PDE1A: variants seen among roughly 807,000 people sequenced by gnomAD.
The protein encoded by PDE1A is dual specificity calcium/calmodulin-dependent 3',5'-cyclic nucleotide phosphodiesterase 1A.
PDE1A carries 35 observed loss-of-function variants against 61.7 expected under a neutral mutation model. That is an observed-to-expected ratio of 0.57 (90% CI 0.43 to 0.75). PDE1A has a LOEUF of 0.75. PDE1A is among the 30% of genes least tolerant of loss of function. The pLI is 0.00. For synonymous variants in PDE1A, 232 were observed against 213.2 expected, an observed-to-expected ratio of 1.09 and a Z score of -0.77; for missense variants, 597 against 630.6, an observed-to-expected ratio of 0.95 and a Z score of 0.57.
At chr2:182,630,760 T>C in the PDE1A span, among the ~76,000 whole-genome samples, 1 of 152,134 alleles carries the variant, frequency 6.6e-6, no homozygotes, top group East Asian at 1.9e-4. Flanking sequence ...AAATCTATAG[T>C]TTTCCACACA....
At chr2:182,247,209 A>G (rs546538272) in intron 2 of PDE1A, among the ~76,000 whole-genome samples, 1 of 152,310 alleles carries the variant, frequency 6.6e-6, no homozygotes, top group Admixed American at 6.5e-5. Flanking sequence ...GTAGAAAAAA[A>G]AAACTAAACA....
intron 1 of PDE1A, among the ~76,000 whole-genome samples, chr2:182,386,158 C>A (rs1226561143): frequency 6.6e-6 from 1 of 152,182 alleles, no homozygotes; most frequent in Non-Finnish European, 1.5e-5. Flanking sequence ...TCAATGTTGC[C>A]CAGGCTGGAG....
chr2:182,159,689 C>T (rs949707700), intron 13 of PDE1A, among the ~76,000 whole-genome samples: 4 of 152,028 alleles, frequency 2.6e-5, no homozygotes, highest in African/African-American at 7.2e-5. Context: ...TAATGTAGGC[C>T]GAGTGCATTG....
rs529287454 is a variant in PDE1A at position 182,351,163 on chromosome 2, T to G, written c.53+75415A>C. On this transcript the variant is annotated intron_variant, in intron 1 of 13. Coordinates refer to ENST00000351439, the Ensembl canonical transcript of PDE1A. ...CTAGGGACTCTAGAAATAATTTAATTAAACTCCAACTTTGCCTCGCAGCAC... is the reference window on the plus strand; with the variant it reads ...CTAGGGACTCTAGAAATAATTTAATGAAACTCCAACTTTGCCTCGCAGCAC... Among the ~76,000 whole-genome samples, 86 of 152,302 alleles carry G rather than the reference T, an allele frequency of 5.6e-4. 2 individuals carry two copies. The South Asian group carries it at 0.018, about 32-fold the overall frequency.
At chr2:182,245,176 C>T (rs1408282691) in intron 2 of PDE1A, among the ~76,000 whole-genome samples, 1 of 152,172 alleles carries the variant, frequency 6.6e-6, no homozygotes, top group Admixed American at 6.5e-5. Flanking sequence ...CAATCTCAGG[C>T]ACCTTCTTCA....
At chr2:182,240,667 G>A (rs1690429405) in intron 2 of PDE1A, among the ~76,000 whole-genome samples, 1 of 152,142 alleles carries the variant, frequency 6.6e-6, no homozygotes, top group Non-Finnish European at 1.5e-5. Flanking sequence ...GGAAGTAACT[G>A]GAGTGGGAAG....
At chr2:182,551,832 C>G in the PDE1A span, among the ~76,000 whole-genome samples, 40 of 152,266 alleles carry the variant, frequency 2.6e-4, no homozygotes, top group African/African-American at 9.4e-4. Context: ...GCTAAAAAAT[C>G]AAGGTAGATA....
chr2:182,496,376 T>C (rs1417690624), intron 2 of PDE1A, among the ~76,000 whole-genome samples: 1 of 152,242 alleles, frequency 6.6e-6, no homozygotes, highest in African/African-American at 2.4e-5. Flanking sequence ...GTAATGTGGT[T>C]ATGTATCTTT....
chr2:182,706,154 G>A, the PDE1A span, among the ~76,000 whole-genome samples: 1 of 152,148 alleles, frequency 6.6e-6, no homozygotes, highest in African/African-American at 2.4e-5. Context: ...TCTAGACACA[G>A]GGAAACAGTG....
intron 2 of PDE1A, among the ~76,000 whole-genome samples, chr2:182,246,327 T>A (rs1690941694): frequency 6.6e-6 from 1 of 152,078 alleles, no homozygotes; most frequent in African/African-American, 2.4e-5. Flanking sequence ...GGCATCCCTG[T>A]GCCTGCCCCC....
chr2:182,492,230 C>G (rs1243595256), intron 2 of PDE1A, among the ~76,000 whole-genome samples: 1 of 152,142 alleles, frequency 6.6e-6, no homozygotes, highest in African/African-American at 2.4e-5. Context: ...TTGGACTACA[C>G]TATAATTATT....
chr2:182,592,592 A>G, the PDE1A span, among the ~76,000 whole-genome samples: 1 of 152,208 alleles, frequency 6.6e-6, no homozygotes, highest in African/African-American at 2.4e-5. Context: ...GCTACTCCCC[A>G]TCCAGGACTG....
Position 182,334,267 on chromosome 2 carries a change from G to GACAC in PDE1A, c.54-69857_54-69854dup, listed in dbSNP as rs552771675. On this transcript the variant is annotated intron_variant, in intron 1 of 13. Transcript: ENST00000351439. ...AATCCTGATACCAAACCCTGGAAGA[G>GACAC]ACACACACACACACACACACACATG... Among the ~76,000 whole-genome samples the GACAC allele has an allele frequency of 9.0e-3, 1,306 of 145,794 alleles. 20 individuals carry two copies. The highest frequency in any genetic ancestry group is 0.069 in the South Asian group (316 of 4,584).
At chr2:182,449,867 G>A (rs1685397465) in intron 2 of PDE1A, among the ~76,000 whole-genome samples, 1 of 151,870 alleles carries the variant, frequency 6.6e-6, no homozygotes, top group African/African-American at 2.4e-5. Flanking sequence ...AATAACTGAA[G>A]AGAATCAGAG....
the PDE1A span, among the ~76,000 whole-genome samples, chr2:182,708,519 G>A: frequency 6.6e-6 from 1 of 152,136 alleles, no homozygotes; most frequent in African/African-American, 2.4e-5. Context: ...AATTTATAAA[G>A]GAAGGAGGTT....
intron 13 of PDE1A, among the ~76,000 whole-genome samples, chr2:182,180,053 A>G (rs1353718752): frequency 6.6e-6 from 1 of 152,156 alleles, no homozygotes; most frequent in East Asian, 1.9e-4. Flanking sequence ...TCTCAATGCA[A>G]TTGTAATAAA....
intron 13 of PDE1A, among the ~76,000 whole-genome samples, chr2:182,148,054 G>C (rs1398777094): frequency 6.6e-6 from 1 of 152,268 alleles, no homozygotes; most frequent in South Asian, 2.1e-4. Flanking sequence ...CGATATGGAG[G>C]GTTGGGACTT....
chr2:182,180,108 G>A (rs1227710739), intron 13 of PDE1A, among the ~76,000 whole-genome samples: 3 of 152,026 alleles, frequency 2.0e-5, no homozygotes, highest in African/African-American at 4.8e-5. Flanking sequence ...GGTAGGTACT[G>A]GAAAATTAAA....
At chr2:182,387,447 G>T (rs1014327069) in intron 1 of PDE1A, among the ~76,000 whole-genome samples, 2 of 151,578 alleles carry the variant, frequency 1.3e-5, no homozygotes, top group African/African-American at 4.8e-5. Flanking sequence ...AAGAGAGAAA[G>T]AAAGAAAGAA....
Sources: gnomAD v4.1 joint callset for allele counts (sites outside exome capture counted in the v4.1 genomes callset) on GRCh38, gnomAD v4.1.1 for gene constraint, MANE v1.5 for transcripts, NCBI Gene and HGNC (gene_info 2026-07-23, HGNC 2026-07-21) for gene names.